Variants in TTC28 observed in about 807,000 individuals in gnomAD.
TTC28 encodes tetratricopeptide repeat domain 28.
TTC28 carries 61 observed loss-of-function variants against 198.0 expected under a neutral mutation model. The observed-to-expected ratio is 0.31, with a 90% CI of 0.25 to 0.38. TTC28 has a LOEUF of 0.38. Among genes scored for constraint, TTC28 ranks in the 10% least tolerant of loss-of-function variants. The probability of loss-of-function intolerance (pLI) is 1.00; values close to 1 mark genes in which losing one functional copy is unlikely to be tolerated. For synonymous variants in TTC28, 1,171 were observed against 1,297.8 expected, an observed-to-expected ratio of 0.90 and a Z score of 2.10; for missense variants, 2,678 against 3,164.0, an observed-to-expected ratio of 0.85 and a Z score of 3.69.
intron 13 of TTC28, among the ~76,000 whole-genome samples, chr22:28,023,190 C>G (rs939895287): frequency 7.2e-5 from 11 of 152,254 alleles, no homozygotes; most frequent in African/African-American, 2.4e-4. Context: ...TGGCACATGC[C>G]TCCACCAAGA....
intron 2 of TTC28, among the ~76,000 whole-genome samples, chr22:28,567,070 C>A (rs2049980793): frequency 6.6e-6 from 1 of 152,080 alleles, no homozygotes; most frequent in Admixed American, 6.6e-5. Flanking sequence ...CAAAAATTAG[C>A]CGGGCATGGT....
intron 12 of TTC28, among the ~76,000 whole-genome samples, chr22:28,074,697 A>T (rs1370998040): frequency 6.6e-6 from 1 of 152,072 alleles, no homozygotes; most frequent in East Asian, 1.9e-4. Flanking sequence ...CCCCACATCA[A>T]TGTGGTCTGT....
intron 1 of TTC28, among the ~76,000 whole-genome samples, chr22:28,635,201 G>A (rs1344190549): frequency 6.6e-6 from 1 of 151,884 alleles, no homozygotes; most frequent in Non-Finnish European, 1.5e-5. Flanking sequence ...GGCACCTGTA[G>A]TCCCAGCTAG....
chr22:28,161,115 C>T (rs1304410599), intron 6 of TTC28, among the ~76,000 whole-genome samples: 4 of 152,068 alleles, frequency 2.6e-5, no homozygotes, highest in Non-Finnish European at 4.4e-5. Flanking sequence ...AAAGAGAAAT[C>T]ACAAATCAAC....
At chr22:28,442,244 C>CA (rs954153470) in intron 2 of TTC28, among the ~76,000 whole-genome samples, 10 of 152,184 alleles carry the variant, frequency 6.6e-5, no homozygotes, top group African/African-American at 2.4e-4. Flanking sequence ...CACGCACAGA[C>CA]ACACGCCCGT....
At chr22:28,410,298 T>G (rs1206430327) in intron 2 of TTC28, among the ~76,000 whole-genome samples, 1 of 152,186 alleles carries the variant, frequency 6.6e-6, no homozygotes, top group Non-Finnish European at 1.5e-5. Flanking sequence ...CTTGAGGAAG[T>G]TATTATATTC....
intron 5 of TTC28, among the ~76,000 whole-genome samples, chr22:28,261,396 C>G (rs1012285094): frequency 6.6e-6 from 1 of 152,038 alleles, no homozygotes; most frequent in Non-Finnish European, 1.5e-5. Context: ...TGAGAAAGCC[C>G]AAGCATGGTG....
At chr22:27,991,458 G>A (rs1937404416) in intron 19 of TTC28, among the ~76,000 whole-genome samples, 1 of 152,202 alleles carries the variant, frequency 6.6e-6, no homozygotes, top group Non-Finnish European at 1.5e-5. Context: ...ACTCAGCCAA[G>A]GGGACAGGTC....
At chr22:28,621,877 G>A (rs1169619099) in intron 2 of TTC28, among the ~76,000 whole-genome samples, 2 of 152,116 alleles carry the variant, frequency 1.3e-5, no homozygotes, top group Non-Finnish European at 2.9e-5. Flanking sequence ...CTAGCTAACT[G>A]GAAGAAATGA....
intron 2 of TTC28, among the ~76,000 whole-genome samples, chr22:28,330,146 C>T (rs1319493284): frequency 6.6e-6 from 1 of 152,088 alleles, no homozygotes; most frequent in Admixed American, 6.6e-5. Context: ...CATAGCAGTT[C>T]CTATATAACT....
chr22:28,227,489 C>T (rs1358675577), intron 5 of TTC28, among the ~76,000 whole-genome samples: 1 of 151,834 alleles, frequency 6.6e-6, no homozygotes, highest in East Asian at 1.9e-4. Flanking sequence ...GCAAATATAC[C>T]TAAAAAGGGA....
At chr22:28,151,028 C>T (rs1046855820) in intron 6 of TTC28, among the ~76,000 whole-genome samples, 3 of 152,300 alleles carry the variant, frequency 2.0e-5, no homozygotes, top group East Asian at 1.9e-4. Context: ...GGCTGCCTAA[C>T]GGGAAAAGTC....
In TTC28 at chr22:28,319,954, T is replaced by C. The variant is rs115682362; in HGVS notation, c.382-13311A>G. ...GGAGTATATAGATATCTGACATGGT[T>C]TGGGTGTAGTTACATTACGGTAGGC... On this transcript the variant is annotated intron_variant, in intron 2 of 22. Coordinates refer to ENST00000397906, the MANE Select transcript of TTC28 (RefSeq NM_001145418.2). Among the ~76,000 whole-genome samples the C allele has an allele frequency of 3.6e-3, 552 of 152,304 alleles. 9 individuals carry two copies. The highest frequency in any genetic ancestry group is 0.013 in the African/African-American group (534 of 41,574).
intron 2 of TTC28, among the ~76,000 whole-genome samples, chr22:28,357,172 T>C (rs1487050536): frequency 6.6e-6 from 1 of 152,032 alleles, no homozygotes; most frequent in Non-Finnish European, 1.5e-5. Flanking sequence ...AACCCATACC[T>C]CCTGGCTCCA....
intron 12 of TTC28, among the ~76,000 whole-genome samples, chr22:28,068,442 G>A (rs1235764478): frequency 6.6e-6 from 1 of 152,198 alleles, no homozygotes; most frequent in African/African-American, 2.4e-5. Flanking sequence ...TGTGTAACAG[G>A]TGATATTTTT....
At chr22:28,590,953 C>A (rs2050415781) in intron 2 of TTC28, among the ~76,000 whole-genome samples, 1 of 141,622 alleles carries the variant, frequency 7.1e-6, no homozygotes, top group Non-Finnish European at 1.5e-5. Flanking sequence ...TTGCAGTGAG[C>A]CAAGATTGCA....
chr22:28,378,881 G>C (rs2046453903), intron 2 of TTC28, among the ~76,000 whole-genome samples: 1 of 152,038 alleles, frequency 6.6e-6, no homozygotes, highest in Admixed American at 6.6e-5. Context: ...AAATATATTT[G>C]AGAAAATAAG....
At chr22:27,991,898 T>C (rs1024066624) in intron 19 of TTC28, among the ~76,000 whole-genome samples, 3 of 152,234 alleles carry the variant, frequency 2.0e-5, no homozygotes, top group Admixed American at 1.3e-4. Flanking sequence ...CTAAGCAGTG[T>C]CTTGCATGAG....
chr22:27,989,792 C>T, intron 21 of TTC28, 86 bp downstream of exon 21: 2 of 1,479,174 alleles, frequency 1.4e-6, no homozygotes. Context: ...CACTGAGATA[C>T]TTTGCCCAAC....
Sources: gnomAD v4.1 joint callset for allele counts (sites outside exome capture counted in the v4.1 genomes callset) on GRCh38, gnomAD v4.1.1 for gene constraint, MANE v1.5 for transcripts, NCBI Gene and HGNC (gene_info 2026-07-23, HGNC 2026-07-21) for gene names.